Variants in RAD54L2 observed in about 807,000 individuals in gnomAD.
RAD54L2 encodes the protein RAD54 like 2, also known as helicase ARIP4.
Under a neutral mutation model 138.4 loss-of-function variants are expected in RAD54L2, and 27 were observed. That is an observed-to-expected ratio of 0.20 (90% CI 0.14 to 0.27). The LOEUF is 0.27. Among genes scored for constraint, RAD54L2 ranks in the 10% least tolerant of loss-of-function variants. The pLI is 1.00. For synonymous variants in RAD54L2, 644 were observed against 723.2 expected (o/e 0.89, Z 1.76); for missense variants, 1,396 against 1,890.2 (o/e 0.74, Z 4.85).
At chr3:51,627,206 C>T (rs1700712553) in intron 3 of RAD54L2, among the ~76,000 whole-genome samples, 1 of 152,144 alleles carries the variant, frequency 6.6e-6, no homozygotes, top group Non-Finnish European at 1.5e-5. Flanking sequence ...AGCCTAGCTG[C>T]TCAGTTTGTC....
rs760340967 is a variant in RAD54L2, at chr3:51,639,651, A to C, written c.2093A>C (p.Asn698Thr). 2 of 1,613,792 alleles carry C rather than the reference A, an allele frequency of 1.2e-6. No homozygotes were observed. Among genetic ancestry groups the C allele is most frequent in the Non-Finnish European group, 1.7e-6 (2 of 1,179,800 alleles). Reference protein sequence around the residue: ...GFNPFQERGNNIVTYEWAKDL... With the variant: ...GFNPFQERGNTIVTYEWAKDL... The stretch of plus-strand genomic sequence containing the variant: ...AACCCTTTCCAGGAGCGAGGCAACA[A>C]CATTGTCACATATGAATGGGTGAGT... Residue 698 changes from asparagine (N) to threonine (T), a missense_variant, in exon 13 of 23, where the codon AAC becomes ACC. Asn to Thr is a moderately conservative substitution (Grantham distance 65). Coordinates refer to ENST00000684192, the MANE Select transcript of RAD54L2 (RefSeq NM_015106.4).
At chr3:51,639,092 C>A in intron 12 of RAD54L2, 1 of 331,894 alleles carries the variant, frequency 3.0e-6, no homozygotes, top group South Asian at 3.8e-5. Context: ...AGACTGTAGC[C>A]ACACTGTGAA....
chr3:51,660,427 G>T (rs1039429466), intron 22 of RAD54L2, among the ~76,000 whole-genome samples: 4 of 151,460 alleles, frequency 2.6e-5, no homozygotes, highest in African/African-American at 9.7e-5. Context: ...TCCTGCCTCA[G>T]CCTCCCGAGT....
At chr3:51,568,052 TTTATCTTTAGTTAGTGGGAGAGA>T (rs1278753288) in intron 2 of RAD54L2, among the ~76,000 whole-genome samples, 2 of 152,154 alleles carry the variant, frequency 1.3e-5, no homozygotes, top group Admixed American at 6.6e-5. Flanking sequence ...GCTCATGTTT[TTTATCTTTAGTTAGTGGGAGAGA>T]TCATGAGATT....
intron 2 of RAD54L2, among the ~76,000 whole-genome samples, chr3:51,579,152 G>T (rs1383191689): frequency 6.6e-6 from 1 of 150,858 alleles, no homozygotes; most frequent in South Asian, 2.1e-4. Flanking sequence ...TCTGCAGGCT[G>T]AGCCTGGGCT....
chr3:51,598,015 G>A (rs1344321428), intron 3 of RAD54L2, among the ~76,000 whole-genome samples: 1 of 150,482 alleles, frequency 6.6e-6, no homozygotes, highest in Non-Finnish European at 1.5e-5. Context: ...CAGAACTCCT[G>A]AGAGAGAGAG....
At chr3:51,632,838 A>G (rs1384877266) in intron 7 of RAD54L2, among the ~76,000 whole-genome samples, 4 of 148,256 alleles carry the variant, frequency 2.7e-5, no homozygotes, top group Non-Finnish European at 5.9e-5. Flanking sequence ...GGTTGCACTG[A>G]GCTGAGATTG....
In RAD54L2 at chr3:51,662,518, G is replaced by T; in HGVS notation, c.3502G>T (p.Val1168Phe). Residue 1168 changes from valine to phenylalanine, a missense_variant, in exon 23 of 23, where the codon GTC becomes TTC. Around this residue, in one of 7 missense-constraint regions of RAD54L2, gnomAD observed 634 missense variants for 711.2 expected, o/e 0.89. Transcript: ENST00000684192. The surrounding 1 kb of genome is among the most constrained non-coding windows in gnomAD (Gnocchi z 4.6). ...CGACCCTGAGGGGCTGGCCAGGCCC[G>T]TCTCTCCTGACAGCCCAGAGATCAT... is the stretch of plus-strand genomic sequence containing the variant. The part of the protein sequence containing the change: ...APDPEGLARP[V>F]SPDSPEIISE... The T allele has an allele frequency of 1.2e-6, 2 of 1,613,028 alleles. No individual in the cohort carries two copies. The highest frequency in any genetic ancestry group is 1.7e-6 in the Non-Finnish European group (2 of 1,179,388).
chr3:51,655,490 A>T (rs535481297), intron 19 of RAD54L2, among the ~76,000 whole-genome samples: 1 of 152,328 alleles, frequency 6.6e-6, no homozygotes, highest in South Asian at 2.1e-4. Context: ...AAGATGTTTA[A>T]AGTTGGAACA....
At chr3:51,644,518 G>T (rs190667083) in intron 16 of RAD54L2, among the ~76,000 whole-genome samples, 3 of 152,308 alleles carry the variant, frequency 2.0e-5, no homozygotes, top group Admixed American at 6.5e-5. Context: ...TCTCTCAGGA[G>T]TGTTATGAGG....
At chr3:51,546,566 G>A (rs187844730) in intron 2 of RAD54L2, among the ~76,000 whole-genome samples, 1 of 152,168 alleles carries the variant, frequency 6.6e-6, no homozygotes, top group East Asian at 2.0e-4. Context: ...CTTGAACCTG[G>A]GAGGCGGAGG....
At chr3:51,566,968 T>C (rs1699232822) in intron 2 of RAD54L2, among the ~76,000 whole-genome samples, 1 of 152,228 alleles carries the variant, frequency 6.6e-6, no homozygotes, top group Non-Finnish European at 1.5e-5. Context: ...TGTTGTCTTC[T>C]GTATTGGCTG....
intron 3 of RAD54L2, among the ~76,000 whole-genome samples, chr3:51,621,386 A>G (rs992590131): frequency 6.6e-6 from 1 of 152,232 alleles, no homozygotes; most frequent in Admixed American, 6.5e-5. Context: ...TGATTTTAAA[A>G]TTGTTACTGC....
At chr3:51,653,803 G>T (rs1440259594) in intron 19 of RAD54L2, among the ~76,000 whole-genome samples, 2 of 152,138 alleles carry the variant, frequency 1.3e-5, no homozygotes, top group African/African-American at 4.8e-5. Flanking sequence ...ATGGGGGAGG[G>T]ATAGCATTAG....
intron 2 of RAD54L2, among the ~76,000 whole-genome samples, chr3:51,588,785 G>A (rs1699770986): frequency 6.6e-6 from 1 of 152,150 alleles, no homozygotes. Flanking sequence ...AGTATAGCAG[G>A]TTAGCAAATG....
intron 15 of RAD54L2, among the ~76,000 whole-genome samples, chr3:51,643,549 A>G (rs1173562119): frequency 1.3e-5 from 2 of 152,314 alleles, no homozygotes; most frequent in South Asian, 2.1e-4. Flanking sequence ...CAGAGAGGTC[A>G]CCTTGAGCCA....
intron 3 of RAD54L2, among the ~76,000 whole-genome samples, chr3:51,624,063 A>G (rs1700625227): frequency 6.6e-6 from 1 of 151,302 alleles, no homozygotes; most frequent in African/African-American, 2.4e-5. Flanking sequence ...TCGTAGAGTT[A>G]TTATAAGGGA....
intron 3 of RAD54L2, among the ~76,000 whole-genome samples, chr3:51,593,534 G>A (rs1017223586): frequency 1.3e-5 from 2 of 151,942 alleles, no homozygotes; most frequent in African/African-American, 4.8e-5. Context: ...GGGTCTCACC[G>A]TGTTAGCCAG....
chr3:51,652,762 T>C (rs1352761434), intron 19 of RAD54L2, among the ~76,000 whole-genome samples: 1 of 152,176 alleles, frequency 6.6e-6, no homozygotes, highest in Admixed American at 6.5e-5. Flanking sequence ...TCCTTACACC[T>C]TATACAAAAA....
Sources: allele counts gnomAD v4.1 joint callset (sites outside exome capture counted in the v4.1 genomes callset), GRCh38; gene constraint gnomAD v4.1.1; regional missense constraint gnomAD v4.1.1; non-coding constraint Gnocchi (gnomAD v3.1); transcripts MANE v1.5; gene names NCBI Gene and HGNC (gene_info 2026-07-23, HGNC 2026-07-21).